STARD13: variants seen among roughly 807,000 people sequenced by gnomAD.
The protein encoded by STARD13 is stAR-related lipid transfer protein 13.
A neutral mutation model predicts 106.4 loss-of-function variants in STARD13; 62 were observed. The ratio of observed to expected loss-of-function variants is 0.58; its 90% CI spans 0.48 to 0.72. The LOEUF is 0.72. STARD13 is among the 30% of genes least tolerant of loss of function. STARD13 has a pLI of 0.00. For synonymous variants in STARD13, 565 were observed against 553.0 expected, an observed-to-expected ratio of 1.02 and a Z score of -0.31; for missense variants, 1,387 against 1,424.0, an observed-to-expected ratio of 0.97 and a Z score of 0.42.
chr13:33,112,553 AATCT>A (rs1874739570), intron 9 of STARD13, among the ~76,000 whole-genome samples, 164 bp downstream of exon 9: 2 of 152,074 alleles, frequency 1.3e-5, no homozygotes, highest in South Asian at 2.1e-4. Context: ...ACTATCTATC[AATCT>A]ATCATCTACC....
the STARD13 span, among the ~76,000 whole-genome samples, chr13:33,617,907 G>A: frequency 6.6e-6 from 1 of 152,214 alleles, no homozygotes; most frequent in African/African-American, 2.4e-5. Flanking sequence ...ATGATGTTAT[G>A]ATAGAAAATT....
rs927635500 is a variant in STARD13, at chr13:33,262,664, C to A, written c.169+22806G>T. On this transcript the variant is annotated intron_variant, in intron 1 of 13. Coordinates refer to ENST00000336934, the MANE Select transcript of STARD13 (RefSeq NM_178006.4). ...CCCCCCCCCCCACACACACACACAACACACACACACACACACACACACACA... is the reference window on the plus strand; with the variant it reads ...CCCCCCCCCCCACACACACACACAAAACACACACACACACACACACACACA... 8.5e-3 allele frequency among the ~76,000 whole-genome samples: 1,151 copies of A among 134,956 alleles called. 20 individuals are homozygous for A. The highest frequency in any genetic ancestry group is 0.03 in the African/African-American group (1,097 of 36,648). The allele number at this position is 134,956 out of a possible 152,430, so 88.5% of individuals were successfully genotyped here. A position where few individuals can be genotyped will look rare whatever the true frequency, so the allele number is the denominator to read the frequency against.
chr13:33,238,047 T>C (rs2764621), intron 1 of STARD13, among the ~76,000 whole-genome samples: 106,779 of 152,044 alleles, frequency 0.7, 37,987 homozygotes, highest in Middle Eastern at 0.74. Context: ...TGTTTTGAGA[T>C]TAGCTCTTCT....
intron 1 of STARD13, among the ~76,000 whole-genome samples, chr13:33,222,625 G>A (rs1888418244): frequency 6.6e-6 from 1 of 152,184 alleles, no homozygotes; most frequent in African/African-American, 2.4e-5. Flanking sequence ...AGCACCTTCT[G>A]TTGCCTTTTC....
chr13:33,623,513 A>G, the STARD13 span, among the ~76,000 whole-genome samples: 3,972 of 150,908 alleles, frequency 0.026, 155 homozygotes, highest in African/African-American at 0.09. Context: ...CTGTGTATGT[A>G]TGTACATACA....
At chr13:33,126,651 C>A (rs1877214754) in intron 6 of STARD13, among the ~76,000 whole-genome samples, 1 of 152,208 alleles carries the variant, frequency 6.6e-6, no homozygotes, top group Admixed American at 6.5e-5. Flanking sequence ...AACAATATTT[C>A]TTGGCTCTAT....
At chr13:33,195,537 T>C (rs192720091) in intron 1 of STARD13, among the ~76,000 whole-genome samples, 60 of 152,322 alleles carry the variant, frequency 3.9e-4, no homozygotes, top group African/African-American at 1.4e-3. Context: ...ATGTGAAGGA[T>C]ACCATAGCAA....
chr13:33,125,072 A>G (rs771702569), intron 7 of STARD13, among the ~76,000 whole-genome samples: 3 of 152,254 alleles, frequency 2.0e-5, no homozygotes, highest in Non-Finnish European at 2.9e-5. Context: ...ATTTTTCTGC[A>G]CTGAAAATTG....
intron 1 of STARD13, among the ~76,000 whole-genome samples, chr13:33,312,278 T>C (rs1893165536): frequency 6.6e-6 from 1 of 152,200 alleles, no homozygotes; most frequent in Non-Finnish European, 1.5e-5. Context: ...TATGTTCCTG[T>C]TCCTCTTATT....
chr13:33,286,661 G>T (rs1226030815), upstream of STARD13, among the ~76,000 whole-genome samples: 1 of 152,150 alleles, frequency 6.6e-6, no homozygotes, highest in Non-Finnish European at 1.5e-5. Flanking sequence ...TTTGACTGGG[G>T]TGATGATTGC....
Position 33,126,259 on chromosome 13 carries a change from A to G in STARD13, c.1923-19T>C. 1 of 1,612,012 alleles carries G rather than the reference A, an allele frequency of 6.2e-7. No individual in the cohort carries two copies. Among genetic ancestry groups the G allele is most frequent in the East Asian group, 2.2e-5 (1 of 44,846 alleles). On this transcript the variant is annotated intron_variant, in intron 6 of 13. Coordinates refer to ENST00000336934, the MANE Select transcript of STARD13 (RefSeq NM_178006.4). ...AACTGACCTAGAATTTACAGAAACCAGGTCATGCAAGCCTCCTGGGTCACA... is the reference window on the plus strand; with the variant it reads ...AACTGACCTAGAATTTACAGAAACCGGGTCATGCAAGCCTCCTGGGTCACA...
the STARD13 span, among the ~76,000 whole-genome samples, chr13:33,423,052 A>C: frequency 0.16 from 23,740 of 152,202 alleles, 4,433 homozygotes; most frequent in African/African-American, 0.44. Context: ...CTTCATGGCT[A>C]AAACACCAAA....
chr13:33,185,839 A>G, intron 1 of STARD13: 1 of 1,601,946 alleles, frequency 6.2e-7, no homozygotes, highest in East Asian at 2.2e-5. Context: ...ACAAAGGTCT[A>G]TCCTTTGTAC....
intron 1 of STARD13, among the ~76,000 whole-genome samples, chr13:33,340,502 C>A (rs78734091): frequency 6.6e-6 from 1 of 152,136 alleles, no homozygotes; most frequent in African/African-American, 2.4e-5. Context: ...AAGCATAAGA[C>A]CTTCCAGTTT....
chr13:33,120,316 A>G (rs1422077497), intron 7 of STARD13, among the ~76,000 whole-genome samples: 2 of 152,238 alleles, frequency 1.3e-5, no homozygotes, highest in African/African-American at 4.8e-5. Flanking sequence ...ATGTGCGTGC[A>G]CACACACATC....
the STARD13 span, among the ~76,000 whole-genome samples, chr13:33,627,744 A>G: frequency 1.3e-5 from 2 of 152,138 alleles, no homozygotes; most frequent in Admixed American, 6.5e-5. Context: ...TCCTTTCTGA[A>G]TGTGAGCACC....
chr13:33,237,192 C>T (rs1400562932), intron 1 of STARD13, among the ~76,000 whole-genome samples: 2 of 152,362 alleles, frequency 1.3e-5, no homozygotes, highest in African/African-American at 2.4e-5. Flanking sequence ...CCTGGAACTT[C>T]ACTCTTGTCC....
chr13:33,141,908 A>T (rs1879883652), intron 4 of STARD13, among the ~76,000 whole-genome samples: 1 of 152,238 alleles, frequency 6.6e-6, no homozygotes, highest in East Asian at 1.9e-4. Context: ...GCAAAATGAA[A>T]GGTAAAACAA....
chr13:33,621,623 T>G, the STARD13 span, among the ~76,000 whole-genome samples: 3 of 130,672 alleles, frequency 2.3e-5, no homozygotes, highest in Admixed American at 9.4e-5. Flanking sequence ...GAGCTTGCAG[T>G]GAGCCGAGAA....
Sources: allele counts gnomAD v4.1 joint callset (sites outside exome capture counted in the v4.1 genomes callset), GRCh38; gene constraint gnomAD v4.1.1; transcripts MANE v1.5; gene names NCBI Gene and HGNC (gene_info 2026-07-23, HGNC 2026-07-21).